Variants in PEX10 observed in about 807,000 individuals in gnomAD.
The protein encoded by PEX10 is peroxisome biogenesis factor 10.
In PEX10, 32 loss-of-function variants were observed where a neutral mutation model predicts 38.0. The ratio of observed to expected loss-of-function variants is 0.84; its 90% CI spans 0.63 to 1.13. The LOEUF (loss-of-function observed/expected upper bound fraction) is 1.13, where lower values mean the gene tolerates loss of function less well. PEX10 is among the 50% of genes most tolerant of loss of function. The pLI is 0.00. For synonymous variants in PEX10, 206 were observed against 207.3 expected, an observed-to-expected ratio of 0.99 and a Z score of 0.05; for missense variants, 483 against 457.7, an observed-to-expected ratio of 1.06 and a Z score of -0.51.
At chr1:2,413,137 C>T (rs544185202), upstream of PEX10, among the ~76,000 whole-genome samples, 7 of 152,378 alleles carry the variant, frequency 4.6e-5, no homozygotes, top group African/African-American at 1.2e-4. Context: ...CCTTCCAGGC[C>T]CCGAGCAGCC....
upstream of PEX10, among the ~76,000 whole-genome samples, chr1:2,412,796 G>T (rs1449172274): frequency 6.6e-6 from 1 of 152,004 alleles, no homozygotes; most frequent in Admixed American, 6.6e-5. Context: ...CGCGCGAGGG[G>T]CGCTGGCGAG....
rs1342313274 is a variant in PEX10, at chr1:2,409,308, G to A, written c.194-450C>T. Among the ~76,000 whole-genome samples, 1 of 152,108 alleles carries A rather than the reference G, an allele frequency of 6.6e-6. No homozygotes were observed. Among genetic ancestry groups the A allele is most frequent in the African/African-American group, 2.4e-5 (1 of 41,398 alleles). On this transcript the variant is annotated intron_variant, in intron 2 of 5. Coordinates refer to ENST00000447513, the MANE Select transcript of PEX10 (RefSeq NM_002617.4). This position sits in a 1 kb window ranked among gnomAD's most constrained non-coding sequence, Gnocchi z 6.2. ...AGCCATGCAGGTCCGCCACCTACCT[G>A]ACATCGCCATGTATGCTCAGATGAG...
Position 2,404,627 on chromosome 1 carries a change from G to A in PEX10, c.*1139C>T, listed in dbSNP as rs977274066. 1.3e-5 allele frequency: 2 copies of A among 152,268 alleles called. No individual in the cohort carries two copies. The highest frequency in any genetic ancestry group is 4.8e-5 in the African/African-American group (2 of 41,454). The allele number at this position is 152,268 out of a possible 1,614,324, so 9.4% of individuals were successfully genotyped here. Reference sequence around the variant, plus strand: ...GGCAAGCTGACCTTGACTAACCCAGGAATACAGGGTCATCCTCATTCCTAA... The same window carrying A: ...GGCAAGCTGACCTTGACTAACCCAGAAATACAGGGTCATCCTCATTCCTAA... On this transcript the variant is annotated 3_prime_UTR_variant, in exon 6 of 6. Coordinates refer to ENST00000447513, the MANE Select transcript of PEX10 (RefSeq NM_002617.4).
chr1:2,408,817 C>A lies in PEX10; in HGVS notation c.235G>T (p.Val79Leu). ...GGCACATGTATCCGCGATGGGTCCA[C>A]CTGGATGATGCTGACGTACTCCTCC... is the stretch of plus-strand genomic sequence containing the variant. ...LGEEYVSIIQ[V>L]DPSRIHVPSS... is the part of the protein sequence containing the mutation. Residue 79 changes from valine (V) to leucine (L), a missense_variant, in exon 3 of 6, where the codon GTG (valine) becomes TTG (leucine). By Grantham distance (32) the Val-to-Leu change is conservative (BLOSUM62 1). Coordinates refer to ENST00000447513, the MANE Select transcript of PEX10 (RefSeq NM_002617.4). 2 of 1,614,070 alleles carry A rather than the reference C, an allele frequency of 1.2e-6. No homozygotes were observed. The highest frequency in any genetic ancestry group is 1.7e-6 in the Non-Finnish European group (2 of 1,179,960).
chr1:2,407,818 G>A (rs900813117), intron 3 of PEX10, among the ~76,000 whole-genome samples: 2 of 152,192 alleles, frequency 1.3e-5, no homozygotes, highest in Admixed American at 1.3e-4. Context: ...TCTGGAAGGA[G>A]CTCATGCAGT....
At chr1:2,412,073 CAG>C (rs1643250525) in intron 1 of PEX10, among the ~76,000 whole-genome samples, 1 of 152,242 alleles carries the variant, frequency 6.6e-6, no homozygotes, top group South Asian at 2.1e-4. Flanking sequence ...CTGGAGGGGA[CAG>C]AGTCTTCCCC....
chr1:2,408,956 A>G, intron 2 of PEX10, 98 bp from the exon 3 acceptor site: 2 of 1,211,214 alleles, frequency 1.7e-6, no homozygotes, highest in South Asian at 1.3e-5. Context: ...GCTCCTGTCA[A>G]CAGCCCCATC....
chr1:2,405,425 T>C lies in PEX10; in HGVS notation c.*341A>G. ...TCTCACAATATAAACGAATAAAGTG[T>C]CTTCTGGCCTACTTCTGAATTACTT... On this transcript the variant is annotated 3_prime_UTR_variant, in exon 6 of 6. Coordinates refer to ENST00000447513, the MANE Select transcript of PEX10 (RefSeq NM_002617.4). 2.2e-6 allele frequency: 1 copy of C among 449,308 alleles called. No homozygotes were observed. The highest frequency in any genetic ancestry group is 4.2e-6 in the Non-Finnish European group (1 of 240,708). 27.8% of individuals were successfully genotyped at this position (449,308 alleles called of 1,614,324 possible). A position where few individuals can be genotyped will look rare whatever the true frequency, so the allele number is the denominator to read the frequency against.
In PEX10 at chr1:2,410,885, T is replaced by C. The variant is rs577852739; in HGVS notation, c.113-434A>G. Reference sequence around the variant, plus strand: ...TAATAAGTCCTACTTGGAGGGATGTTTGAAGATTCAATATTTGTAAAACAC... The same window carrying C: ...TAATAAGTCCTACTTGGAGGGATGTCTGAAGATTCAATATTTGTAAAACAC... On this transcript the variant is annotated intron_variant, in intron 1 of 5. Transcript: ENST00000447513. The surrounding 1 kb of genome is among the most constrained non-coding windows in gnomAD (Gnocchi z 5.1). 1 of 457,116 alleles carries C rather than the reference T, an allele frequency of 2.2e-6. No individual in the cohort carries two copies. Among genetic ancestry groups the C allele is most frequent in the African/African-American group, 2.0e-5 (1 of 50,238 alleles). The allele number at this position is 457,116 out of a possible 1,614,324, so 28.3% of individuals were successfully genotyped here. A position where few individuals can be genotyped will look rare whatever the true frequency, so the allele number is the denominator to read the frequency against.
chr1:2,410,147 TAAAC>T lies in PEX10; in HGVS notation c.193+220_193+223del, dbSNP rs769734201. On this transcript the variant is annotated intron_variant, in intron 2 of 5. Transcript: ENST00000447513. The surrounding 1 kb of genome is among the most constrained non-coding windows in gnomAD (Gnocchi z 5.1). ...CTCAGTGGCACCCGGGGTAAAGTCT[TAAAC>T]AAAGAACCCCAGGGACACACAAAGG... 3.2e-5 allele frequency: 18 copies of T among 555,552 alleles called. No individual in the cohort carries two copies. The highest frequency in any genetic ancestry group is 4.2e-5 in the Non-Finnish European group (13 of 307,148). The allele number at this position is 555,552 out of a possible 1,614,324, so 34.4% of individuals were successfully genotyped here.
Position 2,408,739 on chromosome 1 carries a change from G to C in PEX10, c.313C>G (p.Leu105Val), listed in dbSNP as rs1450880054. The C allele has an allele frequency of 8.7e-6, 14 of 1,613,908 alleles. No individual in the cohort carries two copies. Among genetic ancestry groups the C allele is most frequent in the Non-Finnish European group, 1.1e-5 (13 of 1,179,916 alleles). The change falls in exon 3 of 6, where the codon CTG becomes GTG. Residue 105 changes from leucine to valine, a missense_variant. Physicochemically the swap from Leu to Val is conservative, Grantham distance 32. Coordinates refer to ENST00000447513, the MANE Select transcript of PEX10 (RefSeq NM_002617.4). ...AGGGGGAGCAGGGCCTTGTCCAGCA[G>C]GTAGGGCAGGACGGCATGCAGTGTC... ...LVTLHAVLPY[L>V]LDKALLPLEQ... is the part of the protein sequence containing the mutation.
Position 2,410,194 on chromosome 1 carries a change from C to G in PEX10, c.193+177G>C. 1 of 651,494 alleles carries G rather than the reference C, an allele frequency of 1.5e-6. No homozygotes were observed. The highest frequency in any genetic ancestry group is 2.8e-6 in the Non-Finnish European group (1 of 356,706). 40.4% of individuals were successfully genotyped at this position (651,494 alleles called of 1,614,324 possible). A position where few individuals can be genotyped will look rare whatever the true frequency, so the allele number is the denominator to read the frequency against. On this transcript the variant is annotated intron_variant, in intron 2 of 5. Transcript: ENST00000447513. The surrounding 1 kb of genome is among the most constrained non-coding windows in gnomAD (Gnocchi z 5.1). ...CACAAAGGCTGGAAAAGTCGGCTCC[C>G]TGCTGGGAGCAGATGCCTCGCCTCC...
chr1:2,406,415 C>G lies in PEX10; in HGVS notation c.912+69G>C. 1.9e-6 allele frequency: 3 copies of G among 1,593,572 alleles called. No individual in the cohort carries two copies. In the South Asian group the frequency reaches 3.3e-5, roughly 18 times the overall value. On this transcript the variant is annotated intron_variant, in intron 5 of 5. Transcript: ENST00000447513. ...CTCAGAGCCAGACTCCCCACTTCTG[C>G]TGCAGCCAGGTGCATCTTGCCGGCA...
rs886046145 is a variant in PEX10 at position 2,405,675 on chromosome 1, T to G, written c.*91A>C. 1 of 1,166,542 alleles carries G rather than the reference T, an allele frequency of 8.6e-7. No individual in the cohort carries two copies. The highest frequency in any genetic ancestry group is 2.0e-5 in the Admixed American group (1 of 50,596). 72.3% of individuals were successfully genotyped at this position (1,166,542 alleles called of 1,614,324 possible). A position where few individuals can be genotyped will look rare whatever the true frequency, so the allele number is the denominator to read the frequency against. ...GACAAAAAACTGAGAGTGTTCTAACTTCTGTGCAAGCAAGGTTAATCCTGA... is the reference window on the plus strand; with the variant it reads ...GACAAAAAACTGAGAGTGTTCTAACGTCTGTGCAAGCAAGGTTAATCCTGA... On this transcript the variant is annotated 3_prime_UTR_variant, in exon 6 of 6. Coordinates refer to ENST00000447513, the MANE Select transcript of PEX10 (RefSeq NM_002617.4).
Position 2,405,564 on chromosome 1 carries a change from T to TAACCC in PEX10, c.*201_*202insGGGTT. ...GTTGGGGTTAGGGAAATGTTCTGGG[T>TAACCC]TCAGGCGCCCCTCCCAGGGCTGAGA... On this transcript the variant is annotated 3_prime_UTR_variant, in exon 6 of 6. Coordinates refer to ENST00000447513, the MANE Select transcript of PEX10 (RefSeq NM_002617.4). 5.8e-6 allele frequency: 4 copies of TAACCC among 686,092 alleles called. No homozygotes were observed. The highest frequency in any genetic ancestry group is 8.0e-6 in the Non-Finnish European group (3 of 375,570). The allele number at this position is 686,092 out of a possible 1,614,324, so 42.5% of individuals were successfully genotyped here.
At chr1:2,412,727 G>T (rs1008372541), upstream of PEX10, among the ~76,000 whole-genome samples, 2 of 151,848 alleles carry the variant, frequency 1.3e-5, no homozygotes, top group Non-Finnish European at 1.5e-5. Flanking sequence ...GAAGGTAGTC[G>T]GAGGCGCAGG....
At chr1:2,408,027 G>T (rs1262080424) in intron 3 of PEX10, among the ~76,000 whole-genome samples, 1 of 151,986 alleles carries the variant, frequency 6.6e-6, no homozygotes, top group East Asian at 1.9e-4. Context: ...CAGGGGCGAG[G>T]GGTGAGGGGC....
intron 3 of PEX10, among the ~76,000 whole-genome samples, 184 bp downstream of exon 3, chr1:2,408,268 T>C (rs1178791763): frequency 1.3e-5 from 2 of 152,130 alleles, no homozygotes; most frequent in African/African-American, 4.8e-5. Context: ...TTCAGCCAAG[T>C]GTAATTAAAC....
chr1:2,412,347 C>T, intron 1 of PEX10, 44 bp downstream of exon 1: 1 of 1,347,716 alleles, frequency 7.4e-7, no homozygotes, highest in Non-Finnish European at 9.5e-7. Context: ...GGGCAACACC[C>T]CCTGGGCCGC....
Sources: allele counts gnomAD v4.1 joint callset (sites outside exome capture counted in the v4.1 genomes callset), GRCh38; gene constraint gnomAD v4.1.1; non-coding constraint Gnocchi (gnomAD v3.1); transcripts MANE v1.5; gene names NCBI Gene and HGNC (gene_info 2026-07-23, HGNC 2026-07-21).